The following PAK4 variants were observed in gnomAD, a reference collection of about 807,000 sequenced individuals.
PAK4 encodes the protein p21 (RAC1) activated kinase 4.
Under a neutral mutation model 53.5 loss-of-function variants are expected in PAK4, and 49 were observed. That is an observed-to-expected ratio of 0.92 (90% confidence interval 0.73 to 1.16). The LOEUF (loss-of-function observed/expected upper bound fraction) is 1.16, where lower values mean the gene tolerates loss of function less well. Ranked by LOEUF, PAK4 falls within the 50% of genes most tolerant of loss-of-function variation. The pLI, the probability that PAK4 is intolerant of heterozygous loss-of-function variation, is 0.00. For missense variants in PAK4, 824 were observed against 850.7 expected, an observed-to-expected ratio of 0.97 and a Z score of 0.39; for synonymous variants, 376 against 375.6, an observed-to-expected ratio of 1.00 and a Z score of -0.01.
intron 1 of PAK4, among the ~76,000 whole-genome samples, chr19:39,145,108 TC>T (rs1190880737): frequency 6.6e-6 from 1 of 152,078 alleles, no homozygotes; most frequent in Admixed American, 6.5e-5. Context: ...TTTTCATTGT[TC>T]CTCTTTTTTG....
intron 1 of PAK4, among the ~76,000 whole-genome samples, chr19:39,167,224 G>A (rs76340357): frequency 0.026 from 3,952 of 152,364 alleles, 111 homozygotes; most frequent in African/African-American, 0.066. Flanking sequence ...GCAGTGGGGA[G>A]GGAGCGGGAT....
intron 1 of PAK4, among the ~76,000 whole-genome samples, chr19:39,131,569 A>G (rs1367986335): frequency 6.6e-6 from 1 of 152,176 alleles, no homozygotes; most frequent in African/African-American, 2.4e-5. Context: ...CTTGTCTGCC[A>G]GACGCCTTGG....
exon 2 of PAK4, chr19:39,169,641 C>G: frequency 6.2e-7 from 1 of 1,613,488 alleles, no homozygotes; most frequent in South Asian, 1.1e-5. Flanking sequence ...CCAGCACGAG[C>G]AGAAGTTCAC....
At chr19:39,157,351 C>T (rs977262929) in intron 1 of PAK4, among the ~76,000 whole-genome samples, 4 of 152,122 alleles carry the variant, frequency 2.6e-5, no homozygotes, top group South Asian at 2.1e-4. Context: ...ACACGTGTCC[C>T]TGTGTATCTA....
At chr19:39,138,217 T>G (rs571571378) in intron 1 of PAK4, among the ~76,000 whole-genome samples, 19 of 152,030 alleles carry the variant, frequency 1.2e-4, no homozygotes, top group African/African-American at 3.9e-4. Flanking sequence ...CAAACTTTTT[T>G]TTGTTGTTGT....
Position 39,161,110 on chromosome 19 carries a change from G to A in PAK4, c.-22-8422G>A, listed in dbSNP as rs1404543578. On this transcript the variant is annotated intron_variant, in intron 1 of 8. Coordinates refer to ENST00000358301, the Ensembl canonical transcript of PAK4. This position sits in a 1 kb window ranked among gnomAD's most constrained non-coding sequence, Gnocchi z 4.5. ...CCCAGCACTGTTTAGAGGGCTCCGC[G>A]TGGCCTGGTCTGTGTGCCTGGCACA... is the stretch of plus-strand genomic sequence containing the variant. Among the ~76,000 whole-genome samples the A allele has an allele frequency of 1.3e-5, 2 of 152,206 alleles. No homozygotes were observed. Among genetic ancestry groups the A allele is most frequent in the Non-Finnish European group, 2.9e-5 (2 of 68,036 alleles).
At chr19:39,138,606 C>A (rs192307346) in intron 1 of PAK4, among the ~76,000 whole-genome samples, 3 of 152,330 alleles carry the variant, frequency 2.0e-5, no homozygotes, top group South Asian at 2.1e-4. Flanking sequence ...CACAAGATGC[C>A]GTGCACCCTG....
intron 1 of PAK4, among the ~76,000 whole-genome samples, chr19:39,152,804 C>T (rs535907309): frequency 2.0e-5 from 3 of 152,232 alleles, no homozygotes; most frequent in South Asian, 2.1e-4. Context: ...TTGGAACATA[C>T]GCCTTGCAGA....
chr19:39,176,091 G>A (rs2074598620), intron 6 of PAK4, among the ~76,000 whole-genome samples: 3 of 152,232 alleles, frequency 2.0e-5, no homozygotes, highest in Admixed American at 6.5e-5. Flanking sequence ...CTGGAGGCAG[G>A]AAGACCCATA....
chr19:39,158,445 C>T (rs1439449667), intron 1 of PAK4, among the ~76,000 whole-genome samples: 1 of 152,300 alleles, frequency 6.6e-6, no homozygotes, highest in African/African-American at 2.4e-5. Flanking sequence ...TGCCACATCA[C>T]CCCCTTCCCC....
chr19:39,154,740 G>A (rs535322515), intron 1 of PAK4, among the ~76,000 whole-genome samples: 15 of 152,284 alleles, frequency 9.9e-5, no homozygotes, highest in African/African-American at 2.6e-4. Context: ...AAACCTGCCC[G>A]TCTGGTTTGC....
At chr19:39,153,709 A>G (rs999487380) in intron 1 of PAK4, among the ~76,000 whole-genome samples, 3 of 152,110 alleles carry the variant, frequency 2.0e-5, no homozygotes, top group Admixed American at 2.0e-4. Context: ...CTCAAAGTGC[A>G]GGGATTACAG....
In PAK4 at chr19:39,148,466, C is replaced by CTTTTTTTTTTTTTTTGTTTTTTTTTTTT. The variant is rs2074040581; in HGVS notation, c.-22-21051_-22-21050insGTTTTTTTTTTTTTTTTTTTTTTTTTTT. ...TTAGGTACCAAATAAGTTTCTTCTGCTTTTTTTTTTTTTTTTTTTTTGAGA... is the reference window on the plus strand; with the variant it reads ...TTAGGTACCAAATAAGTTTCTTCTGCTTTTTTTTTTTTTTTGTTTTTTTTTTTTTTTTTTTTTTTTTTTTTTTTTGAGA... On this transcript the variant is annotated intron_variant, in intron 1 of 8. Coordinates refer to ENST00000358301, the Ensembl canonical transcript of PAK4. Among the ~76,000 whole-genome samples the CTTTTTTTTTTTTTTTGTTTTTTTTTTTT allele has an allele frequency of 5.3e-5, 3 of 56,786 alleles. 1 individual carries two copies. Among genetic ancestry groups the CTTTTTTTTTTTTTTTGTTTTTTTTTTTT allele is most frequent in the Non-Finnish European group, 8.7e-5 (3 of 34,646 alleles). The allele number at this position is 56,786 out of a possible 152,430, so 37.3% of individuals were successfully genotyped here. A position where few individuals can be genotyped will look rare whatever the true frequency, so the allele number is the denominator to read the frequency against.
chr19:39,151,947 T>G (rs2074099785), intron 1 of PAK4, among the ~76,000 whole-genome samples: 2 of 152,156 alleles, frequency 1.3e-5, no homozygotes, highest in Admixed American at 6.5e-5. Context: ...TTTTGTATTT[T>G]TAGTAGAGAC....
intron 2 of PAK4, among the ~76,000 whole-genome samples, chr19:39,170,146 G>A (rs1169968526): frequency 6.6e-6 from 1 of 152,154 alleles, no homozygotes; most frequent in Non-Finnish European, 1.5e-5. Context: ...TTCCCAGAGG[G>A]TGACAGCCCC....
At chr19:39,153,943 T>C (rs11882129) in intron 1 of PAK4, among the ~76,000 whole-genome samples, 2,868 of 152,208 alleles carry the variant, frequency 0.019, 96 homozygotes, top group African/African-American at 0.066. Flanking sequence ...GCCACCTCTG[T>C]ATGCAGCCTG....
intron 2 of PAK4, 146 bp downstream of exon 3, chr19:39,169,903 G>T: frequency 1.5e-6 from 1 of 658,424 alleles, no homozygotes; most frequent in Non-Finnish European, 2.6e-6. Context: ...CCTATCCTGG[G>T]TCCAGTGCTG....
At chr19:39,147,318 C>T (rs889442365) in intron 1 of PAK4, among the ~76,000 whole-genome samples, 4 of 152,210 alleles carry the variant, frequency 2.6e-5, no homozygotes, top group Non-Finnish European at 5.9e-5. Flanking sequence ...TCTGGAGGTG[C>T]ATCCGCATTG....
chr19:39,178,850 G>GGAAGGGC lies in PAK4; in HGVS notation c.*272_*278dup. ...CCTCCCCCATGTTCTTCTGTCTCCA[G>GGAAGGGC]GAAGGGCAGCGGCCCTCCCATCACT... On this transcript the variant is annotated 3_prime_UTR_variant, in exon 9 of 9. Transcript: ENST00000358301. The surrounding 1 kb of genome is among the most constrained non-coding windows in gnomAD (Gnocchi z 4.4). 2.3e-6 allele frequency: 1 copy of GGAAGGGC among 425,806 alleles called. No individual in the cohort carries two copies. Among genetic ancestry groups the GGAAGGGC allele is most frequent in the Non-Finnish European group, 4.2e-6 (1 of 238,158 alleles). 26.4% of individuals were successfully genotyped at this position (425,806 alleles called of 1,614,324 possible).
Sources: allele counts gnomAD v4.1 joint callset (sites outside exome capture counted in the v4.1 genomes callset), GRCh38; gene constraint gnomAD v4.1.1; non-coding constraint Gnocchi (gnomAD v3.1); transcripts MANE v1.5; gene names NCBI Gene and HGNC (gene_info 2026-07-23, HGNC 2026-07-21).